OPCML: variants seen among roughly 807,000 people sequenced by gnomAD.
OPCML encodes opioid-binding protein/cell adhesion molecule.
A neutral mutation model predicts 37.8 loss-of-function variants in OPCML; 13 were observed. That is an observed-to-expected ratio of 0.34 (90% CI 0.22 to 0.55). The LOEUF is 0.55. Ranked by LOEUF, OPCML falls within the 20% of genes least tolerant of loss-of-function variation. OPCML has a pLI of 0.91. For synonymous variants in OPCML, 176 were observed against 168.8 expected (o/e 1.04, Z -0.33); for missense variants, 341 against 435.6 (o/e 0.78, Z 1.93).
At chr11:132,596,667 A>G (rs1284272900) in intron 3 of OPCML, among the ~76,000 whole-genome samples, 1 of 152,110 alleles carries the variant, frequency 6.6e-6, no homozygotes, top group African/African-American at 2.4e-5. Context: ...TGATTAGTAG[A>G]CTTGTTACCT....
At chr11:133,343,642 T>C (rs1943928370) in intron 1 of OPCML, among the ~76,000 whole-genome samples, 1 of 152,132 alleles carries the variant, frequency 6.6e-6, no homozygotes, top group Non-Finnish European at 1.5e-5. Flanking sequence ...AGAATTACAT[T>C]TTACCAACAT....
chr11:132,748,818 G>C (rs1181510259), intron 2 of OPCML, among the ~76,000 whole-genome samples: 1 of 152,226 alleles, frequency 6.6e-6, no homozygotes, highest in African/African-American at 2.4e-5. Context: ...GACCAGATGG[G>C]AGGTGAGCAC....
At chr11:132,903,268 G>A (rs1039231091) in intron 2 of OPCML, among the ~76,000 whole-genome samples, 1 of 152,112 alleles carries the variant, frequency 6.6e-6, no homozygotes, top group African/African-American at 2.4e-5. Context: ...CAGGCTAAAG[G>A]TTTCCCATAT....
chr11:133,202,733 C>T (rs1046952929), intron 1 of OPCML, among the ~76,000 whole-genome samples: 1 of 152,218 alleles, frequency 6.6e-6, no homozygotes, highest in African/African-American at 2.4e-5. Context: ...GGGAAACAGG[C>T]ATCACTGACA....
intron 2 of OPCML, among the ~76,000 whole-genome samples, chr11:132,710,476 C>T (rs1268649204): frequency 6.6e-6 from 1 of 152,190 alleles, no homozygotes; most frequent in Non-Finnish European, 1.5e-5. Flanking sequence ...CAAAGTTGCT[C>T]ATGATTTGGT....
intron 1 of OPCML, among the ~76,000 whole-genome samples, chr11:133,447,971 G>A (rs1027899845): frequency 6.6e-6 from 1 of 152,088 alleles, no homozygotes; most frequent in South Asian, 2.1e-4. Flanking sequence ...TTAAATGTTG[G>A]CTTTCAGCCT....
intron 2 of OPCML, among the ~76,000 whole-genome samples, chr11:132,698,769 T>A (rs529059732): frequency 1.0e-3 from 156 of 152,248 alleles, no homozygotes; most frequent in African/African-American, 3.6e-3. Flanking sequence ...TCAGGTCTTA[T>A]GTTTAAGTCT....
At chr11:133,377,979 G>A (rs954707304) in intron 1 of OPCML, among the ~76,000 whole-genome samples, 3 of 152,194 alleles carry the variant, frequency 2.0e-5, no homozygotes, top group African/African-American at 2.4e-5. Context: ...AGCACTAGCT[G>A]TTACAAAGTT....
intron 2 of OPCML, among the ~76,000 whole-genome samples, chr11:132,721,715 T>G (rs1944675045): frequency 6.6e-6 from 1 of 151,944 alleles, no homozygotes. Flanking sequence ...AAGTCTGTGG[T>G]TTGTGCAGTG....
chr11:132,676,277 A>G (rs1433039226), intron 2 of OPCML, among the ~76,000 whole-genome samples: 2 of 152,168 alleles, frequency 1.3e-5, no homozygotes, highest in Non-Finnish European at 2.9e-5. Context: ...TTCATATCAC[A>G]TACAAAAAAT....
chr11:132,669,129 G>C (rs1330549966), intron 2 of OPCML, among the ~76,000 whole-genome samples: 1 of 152,098 alleles, frequency 6.6e-6, no homozygotes, highest in Non-Finnish European at 1.5e-5. Context: ...GCAGAATTCA[G>C]TTGGCCCACA....
At chr11:133,457,962 T>C (rs1271563730) in intron 1 of OPCML, among the ~76,000 whole-genome samples, 1 of 151,812 alleles carries the variant, frequency 6.6e-6, no homozygotes. Context: ...CTGGCCAACA[T>C]GGTGAAACCC....
intron 2 of OPCML, among the ~76,000 whole-genome samples, chr11:132,733,166 T>G (rs950795748): frequency 6.6e-6 from 1 of 151,996 alleles, no homozygotes; most frequent in African/African-American, 2.4e-5. Flanking sequence ...TTAACAAAGA[T>G]GGGTGACTGA....
intron 2 of OPCML, among the ~76,000 whole-genome samples, chr11:132,937,765 G>C (rs1252467024): frequency 6.6e-6 from 1 of 152,028 alleles, no homozygotes; most frequent in African/African-American, 2.4e-5. Flanking sequence ...CAACATTCTT[G>C]CTGCCTCCCT....
At chr11:133,210,217 T>C (rs1455599801) in intron 1 of OPCML, among the ~76,000 whole-genome samples, 1 of 152,176 alleles carries the variant, frequency 6.6e-6, no homozygotes, top group Non-Finnish European at 1.5e-5. Context: ...GTAATTGGGC[T>C]CTCCAAAGCC....
chr11:132,816,619 G>C (rs190411426), intron 2 of OPCML, among the ~76,000 whole-genome samples: 4 of 152,202 alleles, frequency 2.6e-5, no homozygotes, highest in Non-Finnish European at 5.9e-5. Flanking sequence ...GGGTGTTCAG[G>C]GAACAAGGCT....
intron 1 of OPCML, among the ~76,000 whole-genome samples, chr11:133,268,766 C>G (rs1941732072): frequency 6.6e-6 from 1 of 152,180 alleles, no homozygotes; most frequent in Non-Finnish European, 1.5e-5. Context: ...AATATAATAG[C>G]TTAGCATGAA....
intron 2 of OPCML, among the ~76,000 whole-genome samples, chr11:132,719,194 C>T (rs1260199325): frequency 1.3e-5 from 2 of 152,216 alleles, no homozygotes; most frequent in South Asian, 2.1e-4. Flanking sequence ...CAGACACTAC[C>T]GCAGTCAGGA....
At chr11:133,194,082 TGA>T (rs1324834182) in intron 1 of OPCML, among the ~76,000 whole-genome samples, 7 of 152,128 alleles carry the variant, frequency 4.6e-5, no homozygotes, top group Non-Finnish European at 1.5e-5. Context: ...GTTGCCTAGT[TGA>T]GGTTAGGGGA....
Sources: allele counts gnomAD v4.1 joint callset (sites outside exome capture counted in the v4.1 genomes callset), GRCh38; gene constraint gnomAD v4.1.1; transcripts MANE v1.5; gene names NCBI Gene and HGNC (gene_info 2026-07-23, HGNC 2026-07-21).